The following POPDC2 variants were observed in gnomAD, a reference collection of about 807,000 sequenced individuals.
POPDC2 encodes the protein popeye domain-containing protein 2.
Under a neutral mutation model 30.5 loss-of-function variants are expected in POPDC2, and 24 were observed. The ratio of observed to expected loss-of-function variants is 0.79; its 90% CI spans 0.57 to 1.11. The LOEUF is 1.11. Among genes scored for constraint, POPDC2 ranks in the 50% least tolerant of loss-of-function variants. The probability of loss-of-function intolerance (pLI) is 0.00; values close to 1 mark genes in which losing one functional copy is unlikely to be tolerated. For synonymous variants in POPDC2, 185 were observed against 183.3 expected (o/e 1.01, Z -0.07); for missense variants, 409 against 447.0 (o/e 0.91, Z 0.77).
At chr3:119,647,334 G>A (rs1482310501) in intron 3 of POPDC2, among the ~76,000 whole-genome samples, 2 of 152,170 alleles carry the variant, frequency 1.3e-5, no homozygotes, top group Non-Finnish European at 2.9e-5. Flanking sequence ...TATGAGGGCA[G>A]CCAGGGAAAC....
In POPDC2 at chr3:119,642,533, A is replaced by C; in HGVS notation, c.*72T>G. On this transcript the variant is annotated 3_prime_UTR_variant, in exon 4 of 4. Coordinates refer to ENST00000493094, the MANE Select transcript of POPDC2 (RefSeq NM_001369919.2). ...GGGCCTGTCCCCTGGATATAACTTGAGAGTAGCTCTGGAGAGGAATTCTAG... is the reference window on the plus strand; with the variant it reads ...GGGCCTGTCCCCTGGATATAACTTGCGAGTAGCTCTGGAGAGGAATTCTAG... 6.2e-7 allele frequency: 1 copy of C among 1,613,150 alleles called. No homozygotes were observed.
chr3:119,649,782 G>T (rs1207390986), intron 2 of POPDC2, among the ~76,000 whole-genome samples: 3 of 152,066 alleles, frequency 2.0e-5, no homozygotes, highest in African/African-American at 7.2e-5. Flanking sequence ...TTTCATTCCT[G>T]TATTGCCTAC....
At chr3:119,642,747 T>A (rs919561503) in intron 3 of POPDC2, among the ~76,000 whole-genome samples, 186 bp from the exon 4 acceptor site, 1 of 152,210 alleles carries the variant, frequency 6.6e-6, no homozygotes, top group Admixed American at 6.5e-5. Context: ...TTAGGGCAAG[T>A]CAGCTTTGAA....
chr3:119,645,566 CAAAAAA>C (rs201320482), intron 3 of POPDC2, among the ~76,000 whole-genome samples: 151 of 115,392 alleles, frequency 1.3e-3, no homozygotes, highest in African/African-American at 4.2e-3. Flanking sequence ...CCGTCTCAAA[CAAAAAA>C]AAAAAAAAAA....
Position 119,660,255 on chromosome 3 carries a change from G to C in POPDC2, c.169C>G (p.Leu57Val). The C allele has an allele frequency of 6.2e-7, 1 of 1,614,180 alleles. No individual in the cohort carries two copies. Among genetic ancestry groups the C allele is most frequent in the Non-Finnish European group, 8.5e-7 (1 of 1,180,032 alleles). ...VYGCFYLFGF[L>V]SAGYLCCVLW... ...ACGCAGCACAGGTAACCTGCACTCA[G>C]GAAGCCAAAAAGATAGAAGCATCCA... is the stretch of plus-strand genomic sequence containing the variant. The change falls in exon 1 of 4, where the codon CTG becomes GTG. Residue 57 changes from leucine to valine, a missense_variant. Leu to Val is a conservative substitution (Grantham distance 32). Coordinates refer to ENST00000493094, the MANE Select transcript of POPDC2 (RefSeq NM_001369919.2).
At chr3:119,648,916 A>G (rs116544210) in intron 2 of POPDC2, among the ~76,000 whole-genome samples, 1,713 of 152,254 alleles carry the variant, frequency 0.011, 26 homozygotes, top group African/African-American at 0.038. Context: ...TCACCTCCTG[A>G]AGCCTCAGTT....
intron 1 of POPDC2, among the ~76,000 whole-genome samples, chr3:119,656,757 C>A (rs1179065261): frequency 6.6e-6 from 1 of 152,134 alleles, no homozygotes; most frequent in Non-Finnish European, 1.5e-5. Flanking sequence ...AATAGGGGTG[C>A]CTCTATTAGG....
chr3:119,643,682 T>C (rs2052714805), intron 3 of POPDC2, among the ~76,000 whole-genome samples: 1 of 151,872 alleles, frequency 6.6e-6, no homozygotes, highest in Non-Finnish European at 1.5e-5. Flanking sequence ...AAGACTAGAG[T>C]CCAGATCTTA....
At chr3:119,645,355 G>A (rs1343276268) in intron 3 of POPDC2, among the ~76,000 whole-genome samples, 2 of 152,322 alleles carry the variant, frequency 1.3e-5, no homozygotes, top group East Asian at 3.9e-4. Context: ...CACGTCAGGA[G>A]ATGGAGACCA....
intron 1 of POPDC2, among the ~76,000 whole-genome samples, chr3:119,659,512 A>G (rs1373310924): frequency 6.6e-6 from 1 of 152,192 alleles, no homozygotes; most frequent in East Asian, 1.9e-4. Context: ...GTGCTTAGCA[A>G]ATGTTGAATT....
At chr3:119,659,369 T>TA (rs2052914189) in intron 1 of POPDC2, among the ~76,000 whole-genome samples, 1 of 152,200 alleles carries the variant, frequency 6.6e-6, no homozygotes, top group African/African-American at 2.4e-5. Context: ...TCACTCTCCC[T>TA]ACCTGGCTAC....
chr3:119,642,470 T>C lies in POPDC2; in HGVS notation c.*135A>G, dbSNP rs995431684. The C allele has an allele frequency of 2.5e-6, 4 of 1,596,484 alleles. No individual in the cohort carries two copies. Among genetic ancestry groups the C allele is most frequent in the Non-Finnish European group, 3.4e-6 (4 of 1,164,058 alleles). On this transcript the variant is annotated 3_prime_UTR_variant, in exon 4 of 4. Transcript: ENST00000493094. ...GCTGGCCACAGAGAAGATAGTCCAA[T>C]GATCCTTAAAGTTCAGGCGTGTGGG... is the stretch of plus-strand genomic sequence containing the variant.
chr3:119,642,445 G>T lies in POPDC2; in HGVS notation c.*160C>A. On this transcript the variant is annotated 3_prime_UTR_variant, in exon 4 of 4. Coordinates refer to ENST00000493094, the MANE Select transcript of POPDC2 (RefSeq NM_001369919.2). ...TTCTGTGAACACAGAAGAGAGCTGCGCTGGCCACAGAGAAGATAGTCCAAT... is the reference window on the plus strand; with the variant it reads ...TTCTGTGAACACAGAAGAGAGCTGCTCTGGCCACAGAGAAGATAGTCCAAT... 1 of 1,484,506 alleles carries T rather than the reference G, an allele frequency of 6.7e-7. No homozygotes were observed. Among genetic ancestry groups the T allele is most frequent in the Non-Finnish European group, 9.4e-7 (1 of 1,063,080 alleles). The allele number at this position is 1,484,506 out of a possible 1,614,324, so 92.0% of individuals were successfully genotyped here.
intron 3 of POPDC2, among the ~76,000 whole-genome samples, chr3:119,645,495 G>A (rs1309459010): frequency 2.0e-5 from 3 of 150,500 alleles, no homozygotes; most frequent in East Asian, 1.9e-4. Context: ...CCCGGGAGGC[G>A]GAGCTTGCAG....
intron 3 of POPDC2, among the ~76,000 whole-genome samples, chr3:119,644,622 A>T (rs1297056591): frequency 5.9e-5 from 9 of 152,174 alleles, no homozygotes; most frequent in Admixed American, 2.6e-4. Context: ...AGTTGGTCTT[A>T]ATTTGGATTG....
At position 119,657,323 on chromosome 3, in the gene POPDC2, A is replaced by T. The variant is rs539840603; in HGVS notation, c.491+2610T>A. 1.1e-4 allele frequency among the ~76,000 whole-genome samples: 17 copies of T among 152,328 alleles called. No homozygotes were observed. In the South Asian group the frequency reaches 3.5e-3, roughly 32 times the overall value. On this transcript the variant is annotated intron_variant, in intron 1 of 3. Transcript: ENST00000493094. ...GGCCAATGGGATATCAGCACTCCTG[A>T]GCCTTGCTCTTAATGAATGCCTAGG... is the stretch of plus-strand genomic sequence containing the variant.
Position 119,648,453 on chromosome 3 carries a change from A to G in POPDC2, c.816T>C (p.Gly272=), listed in dbSNP as rs752901819. 9 of 1,613,996 alleles carry G rather than the reference A, an allele frequency of 5.6e-6. No homozygotes were observed. Among genetic ancestry groups the G allele is most frequent in the Non-Finnish European group, 7.6e-6 (9 of 1,180,028 alleles). Residue 272 remains glycine (G), a synonymous_variant, in exon 3 of 4, where the codon GGT becomes GGC. Coordinates refer to ENST00000493094, the MANE Select transcript of POPDC2 (RefSeq NM_001369919.2). ...CTGGTCCAGCATCTGCAGCAGTGGG[A>G]CCCAGGACATGGTAGAGGCTGGGAA... The part of the protein sequence containing the change: ...IRLPSLYHVL[G]PTAADAGPES...
Position 119,653,311 on chromosome 3 carries a change from CA to C in POPDC2, c.600+1193del, listed in dbSNP as rs2052836833. On this transcript the variant is annotated intron_variant, in intron 2 of 3. Transcript: ENST00000493094. ...TACGTAGTGCCTGCCACATGCTAGC[CA>C]TTCAATAAGTGAGAGCTACAAAGAA... Among the ~76,000 whole-genome samples the C allele has an allele frequency of 2.0e-5, 3 of 152,124 alleles. No individual in the cohort carries two copies. In the South Asian group the frequency reaches 6.2e-4, roughly 32 times the overall value.
rs2052884825 is a variant in POPDC2, at chr3:119,656,824, A to AC, written c.492-2212_492-2211insG. 2.0e-5 allele frequency among the ~76,000 whole-genome samples: 3 copies of AC among 152,216 alleles called. No individual in the cohort carries two copies. The South Asian group carries it at 6.2e-4, about 32-fold the overall frequency. ...TACACCTTGTTCATTTGGGGGAGAT[A>AC]TCCTTCCATTATTTCTGGAGGTTTA... On this transcript the variant is annotated intron_variant, in intron 1 of 3. Coordinates refer to ENST00000493094, the MANE Select transcript of POPDC2 (RefSeq NM_001369919.2).
Sources: gnomAD v4.1 joint callset for allele counts (sites outside exome capture counted in the v4.1 genomes callset) on GRCh38, gnomAD v4.1.1 for gene constraint, MANE v1.5 for transcripts, NCBI Gene and HGNC (gene_info 2026-07-23, HGNC 2026-07-21) for gene names.